The following FAM81A variants were observed in gnomAD, a reference collection of about 807,000 sequenced individuals.
FAM81A encodes the protein protein FAM81A.
FAM81A carries 19 observed loss-of-function variants against 46.7 expected under a neutral mutation model. The observed-to-expected ratio is 0.41, with a 90% CI of 0.28 to 0.60. The LOEUF (loss-of-function observed/expected upper bound fraction) is 0.60, where lower values mean the gene tolerates loss of function less well. Ranked by LOEUF, FAM81A falls within the 20% of genes least tolerant of loss-of-function variation. The pLI, the probability that FAM81A is intolerant of heterozygous loss-of-function variation, is 0.34. For synonymous variants in FAM81A, 183 were observed against 152.9 expected (o/e 1.20, Z -1.45); for missense variants, 377 against 453.5 (o/e 0.83, Z 1.53).
At position 59,523,171 on chromosome 15, in the gene FAM81A, A is replaced by G. The variant is rs1468881832; in HGVS notation, c.*1793A>G. The G allele has an allele frequency of 1.3e-5, 2 of 152,170 alleles. No homozygotes were observed. Among genetic ancestry groups the G allele is most frequent in the Non-Finnish European group, 2.9e-5 (2 of 68,064 alleles). 9.4% of individuals were successfully genotyped at this position (152,170 alleles called of 1,614,324 possible). On this transcript the variant is annotated 3_prime_UTR_variant, in exon 9 of 9. Coordinates refer to ENST00000288228, the MANE Select transcript of FAM81A (RefSeq NM_152450.3). Reference sequence around the variant, plus strand: ...GAGGGAGGCGGGGAACACCAGCTGGACTCTGGCCAAGGAGTGATGTAAGCA... The same window carrying G: ...GAGGGAGGCGGGGAACACCAGCTGGGCTCTGGCCAAGGAGTGATGTAAGCA...
Position 59,421,729 on chromosome 15 carries a change from GTCTATCTA to G in FAM81A, c.-78+19379_-78+19386del, listed in dbSNP as rs796163877. Among the ~76,000 whole-genome samples the G allele has an allele frequency of 6.6e-4, 85 of 128,970 alleles. 1 individual carries two copies. Among genetic ancestry groups the G allele is most frequent in the African/African-American group, 2.4e-3 (75 of 31,494 alleles). 84.6% of individuals were successfully genotyped at this position (128,970 alleles called of 152,430 possible). On this transcript the variant is annotated intron_variant, in intron 2 of 4. Coordinates refer to the FAM81A transcript ENST00000558348. ...AAACTATCTATCTGTCTGTCTGTCT[GTCTATCTA>G]TCTATCTGTCTATCTATCTATCTAT...
At chr15:59,399,932 GA>G (rs1207894869) in intron 1 of FAM81A, among the ~76,000 whole-genome samples, 3 of 152,130 alleles carry the variant, frequency 2.0e-5, no homozygotes, top group Non-Finnish European at 4.4e-5. Context: ...TCTTCAACTA[GA>G]CCAAAAAACA....
At chr15:59,432,040 A>G (rs2081222814) in intron 2 of FAM81A, among the ~76,000 whole-genome samples, 1 of 151,742 alleles carries the variant, frequency 6.6e-6, no homozygotes, top group Admixed American at 6.5e-5. Context: ...AATTTATCTT[A>G]CTTTGTTATT....
intron 1 of FAM81A, chr15:59,439,101 TGTGTGTGCGCGCGTGTGTGTGTGTGC>T (rs1340066344): frequency 1.4e-5 from 2 of 147,162 alleles, no homozygotes; most frequent in Admixed American, 1.3e-4. Context: ...GGTTTATGTG[TGTGTGTGCGCGCGTGTGTGTGTGTGC>T]GTGTGTGCGC....
intron 4 of FAM81A, among the ~76,000 whole-genome samples, chr15:59,500,485 A>G (rs568042990): frequency 1.3e-5 from 2 of 150,726 alleles, no homozygotes; most frequent in African/African-American, 4.9e-5. Flanking sequence ...TTTTATTTTT[A>G]GAGACAGGGT....
intron 3 of FAM81A, among the ~76,000 whole-genome samples, chr15:59,462,211 A>G (rs1391359828): frequency 6.6e-6 from 1 of 152,002 alleles, no homozygotes; most frequent in Non-Finnish European, 1.5e-5. Context: ...TCAAAAAAAA[A>G]AAAAAAAAAC....
At chr15:59,428,596 C>G (rs115478028) in intron 2 of FAM81A, among the ~76,000 whole-genome samples, 92 of 134,482 alleles carry the variant, frequency 6.8e-4, no homozygotes, top group African/African-American at 2.4e-3. Context: ...GGTGCATCTT[C>G]TACTACCTAG....
chr15:59,401,394 G>T (rs2081069715), intron 1 of FAM81A: 1 of 791,210 alleles, frequency 1.3e-6, no homozygotes, highest in Non-Finnish European at 2.3e-6. Context: ...GGGGACGACG[G>T]GTTCTTCTTT....
At chr15:59,401,132 G>T in intron 1 of FAM81A, 1 of 698,418 alleles carries the variant, frequency 1.4e-6, no homozygotes, top group South Asian at 1.5e-5. Flanking sequence ...AGACATGTAT[G>T]GCTGTTTGGT....
rs987038354 is a variant in FAM81A at position 59,485,437 on chromosome 15, G to C, written c.295-6834G>C. Among the ~76,000 whole-genome samples, 13 of 152,326 alleles carry C rather than the reference G, an allele frequency of 8.5e-5. No homozygotes were observed. The South Asian group carries it at 2.7e-3, about 32-fold the overall frequency. On this transcript the variant is annotated intron_variant, in intron 3 of 8. Coordinates refer to ENST00000288228, the MANE Select transcript of FAM81A (RefSeq NM_152450.3). ...AAAGAAAGAAAGACTTTGCTTGTTT[G>C]GGAGAAAGTAAGGGAAGGGAAGGAG...
At chr15:59,458,994 T>C (rs1227752110) in intron 2 of FAM81A, among the ~76,000 whole-genome samples, 1 of 152,216 alleles carries the variant, frequency 6.6e-6, no homozygotes, top group Non-Finnish European at 1.5e-5. Context: ...TGGCCTAGCA[T>C]GTTCTTAAAT....
chr15:59,503,782 G>A (rs745972919), intron 4 of FAM81A, among the ~76,000 whole-genome samples: 2 of 152,074 alleles, frequency 1.3e-5, no homozygotes, highest in Non-Finnish European at 1.5e-5. Flanking sequence ...CATGTTGGCC[G>A]GGCTGGTCTC....
chr15:59,446,193 T>C (rs965070282), intron 1 of FAM81A, among the ~76,000 whole-genome samples: 35 of 152,248 alleles, frequency 2.3e-4, no homozygotes, highest in African/African-American at 8.0e-4. Flanking sequence ...GCAGCTCAGC[T>C]GGGGAGACAT....
intron 1 of FAM81A, among the ~76,000 whole-genome samples, chr15:59,446,097 T>C (rs2081351638): frequency 6.6e-6 from 1 of 152,094 alleles, no homozygotes; most frequent in African/African-American, 2.4e-5. Flanking sequence ...AATGAACAAA[T>C]ATGTATGAGT....
chr15:59,404,690 C>T (rs2081086666), intron 2 of FAM81A, among the ~76,000 whole-genome samples: 1 of 152,178 alleles, frequency 6.6e-6, no homozygotes, highest in South Asian at 2.1e-4. Context: ...CCCCTGGCCT[C>T]AAGTGGTCCT....
chr15:59,510,937 C>A (rs1481081548), intron 6 of FAM81A, among the ~76,000 whole-genome samples: 2 of 151,894 alleles, frequency 1.3e-5, no homozygotes, highest in Non-Finnish European at 2.9e-5. Context: ...CACCTGAGGT[C>A]AGGAATTCAA....
At chr15:59,514,175 A>G (rs1450818391) in intron 6 of FAM81A, 114 bp from the exon 7 acceptor site, 2 of 1,088,802 alleles carry the variant, frequency 1.8e-6, no homozygotes, top group South Asian at 1.9e-5. Context: ...CCACCATGGC[A>G]CATGTTTACC....
upstream of FAM81A, among the ~76,000 whole-genome samples, chr15:59,435,359 C>G (rs1348997203): frequency 1.3e-5 from 2 of 152,178 alleles, no homozygotes; most frequent in Admixed American, 1.3e-4. Flanking sequence ...GTGGTTCACA[C>G]CTGTAATCCC....
At chr15:59,398,832 C>T (rs2081058332) in intron 1 of FAM81A, among the ~76,000 whole-genome samples, 1 of 150,326 alleles carries the variant, frequency 6.7e-6, no homozygotes, top group Non-Finnish European at 1.5e-5. Context: ...TTCACCATCC[C>T]TAGGGTGTGG....
Sources: gnomAD v4.1 joint callset for allele counts (sites outside exome capture counted in the v4.1 genomes callset) on GRCh38, gnomAD v4.1.1 for gene constraint, MANE v1.5 for transcripts, NCBI Gene and HGNC (gene_info 2026-07-23, HGNC 2026-07-21) for gene names.